The following GRB10 variants were observed in gnomAD, a reference collection of about 807,000 sequenced individuals.
The protein encoded by GRB10 is growth factor receptor-bound protein 10.
Under a neutral mutation model 80.9 loss-of-function variants are expected in GRB10, and 20 were observed. The observed-to-expected ratio is 0.25, with a 90% CI of 0.17 to 0.36. GRB10 has a LOEUF of 0.36. GRB10 is among the 10% of genes least tolerant of loss of function. The pLI is 1.00. For synonymous variants in GRB10, 291 were observed against 291.5 expected, an observed-to-expected ratio of 1.00 and a Z score of 0.02; for missense variants, 548 against 747.7, an observed-to-expected ratio of 0.73 and a Z score of 3.12.
intron 7 of GRB10, 151 bp downstream of exon 7, chr7:50,669,571 C>T: frequency 1.3e-6 from 1 of 776,488 alleles, no homozygotes; most frequent in Non-Finnish European, 2.2e-6. Flanking sequence ...CCTCATAGGA[C>T]AACAAGTACT....
chr7:50,671,785 G>A (rs1315659532), intron 6 of GRB10, among the ~76,000 whole-genome samples: 1 of 152,218 alleles, frequency 6.6e-6, no homozygotes, highest in Admixed American at 6.5e-5. Flanking sequence ...CTATTTATTG[G>A]GTTGTTTTGA....
At chr7:50,759,601 T>C (rs1032423835) in intron 2 of GRB10, among the ~76,000 whole-genome samples, 4 of 152,212 alleles carry the variant, frequency 2.6e-5, no homozygotes, top group Non-Finnish European at 5.9e-5. Flanking sequence ...TTTGAATTAT[T>C]TTATTGTTTT....
chr7:50,615,003 T>C (rs187284057), intron 11 of GRB10, 123 bp from the exon 12 acceptor site: 59 of 714,900 alleles, frequency 8.3e-5, no homozygotes, highest in Non-Finnish European at 1.4e-4. Context: ...ACTATACATA[T>C]TACATATGAT....
chr7:50,693,448 G>A (rs901752477), intron 5 of GRB10, among the ~76,000 whole-genome samples: 1 of 152,066 alleles, frequency 6.6e-6, no homozygotes, highest in Non-Finnish European at 1.5e-5. Flanking sequence ...AGTATTTCTG[G>A]CTTAAAGAAA....
rs142905810 is a variant in GRB10, at chr7:50,604,223, G to C, written c.1456+88C>G. On this transcript the variant is annotated intron_variant, in intron 16 of 18. Coordinates refer to ENST00000401949, the MANE Select transcript of GRB10 (RefSeq NM_001350814.2). Reference sequence around the variant, plus strand: ...CTTGTGTGGTGCACTCTGGCCACAGGCAAATTCGTAAGGCTGAGGGGGAGT... The same window carrying C: ...CTTGTGTGGTGCACTCTGGCCACAGCCAAATTCGTAAGGCTGAGGGGGAGT... The C allele has an allele frequency of 5.1e-5, 68 of 1,334,516 alleles. No individual in the cohort carries two copies. The African/African-American group carries it at 8.8e-4, about 17-fold the overall frequency. The allele number at this position is 1,334,516 out of a possible 1,614,324, so 82.7% of individuals were successfully genotyped here.
chr7:50,709,146 C>T (rs1311799314), intron 4 of GRB10, among the ~76,000 whole-genome samples: 1 of 152,234 alleles, frequency 6.6e-6, no homozygotes, highest in Non-Finnish European at 1.5e-5. Flanking sequence ...AAAGTCAGAA[C>T]AAGCCCATCC....
intron 4 of GRB10, among the ~76,000 whole-genome samples, chr7:50,718,101 C>G (rs1339936177): frequency 2.0e-5 from 3 of 152,156 alleles, no homozygotes; most frequent in Non-Finnish European, 4.4e-5. Flanking sequence ...AAAGAGGGGA[C>G]AGGGGATTCC....
At position 50,701,280 on chromosome 7, in the gene GRB10, G is replaced by A. The variant is rs148384183; in HGVS notation, c.139+2541C>T. Among the ~76,000 whole-genome samples the A allele has an allele frequency of 1.6e-4, 24 of 152,054 alleles. No homozygotes were observed. In the East Asian group the frequency reaches 3.7e-3, roughly 23 times the overall value. ...CCTGTTTCCCTAGTATCCACATTCC[G>A]TCTTCCTCAAGAAGTACTTTTCATC... is the stretch of plus-strand genomic sequence containing the variant. On this transcript the variant is annotated intron_variant, in intron 5 of 18. Transcript: ENST00000401949.
At chr7:50,709,346 G>C (rs965411862) in intron 4 of GRB10, among the ~76,000 whole-genome samples, 1 of 152,196 alleles carries the variant, frequency 6.6e-6, no homozygotes, top group African/African-American at 2.4e-5. Flanking sequence ...GAGCTGCATC[G>C]ACCAACAGCT....
chr7:50,693,421 G>A (rs1036728156), intron 5 of GRB10, among the ~76,000 whole-genome samples: 2 of 152,088 alleles, frequency 1.3e-5, no homozygotes, highest in Non-Finnish European at 2.9e-5. Flanking sequence ...ACAAATTAAA[G>A]CTGCATGCCT....
intron 2 of GRB10, among the ~76,000 whole-genome samples, chr7:50,759,897 C>T (rs1317047541): frequency 6.6e-6 from 1 of 152,094 alleles, no homozygotes; most frequent in Non-Finnish European, 1.5e-5. Context: ...GCGGACACCC[C>T]GGGAGCAGCT....
chr7:50,721,025 T>C (rs879249367), intron 4 of GRB10, among the ~76,000 whole-genome samples: 2 of 152,160 alleles, frequency 1.3e-5, no homozygotes, highest in Non-Finnish European at 1.5e-5. Flanking sequence ...CCCTGCTTCA[T>C]TGAAAAGTTT....
intron 7 of GRB10, among the ~76,000 whole-genome samples, chr7:50,629,952 A>G (rs190716359): frequency 6.6e-6 from 1 of 152,362 alleles, no homozygotes; most frequent in East Asian, 1.9e-4. Context: ...TTCAGAGCGG[A>G]GATTGTTACC....
intron 5 of GRB10, among the ~76,000 whole-genome samples, chr7:50,692,550 A>T (rs2062951480): frequency 6.6e-6 from 1 of 152,126 alleles, no homozygotes; most frequent in Non-Finnish European, 1.5e-5. Flanking sequence ...GCCTAGAGTA[A>T]CCAGGACTTC....
intron 5 of GRB10, among the ~76,000 whole-genome samples, chr7:50,676,177 G>A (rs1430105497): frequency 6.6e-6 from 1 of 152,098 alleles, no homozygotes; most frequent in Non-Finnish European, 1.5e-5. Flanking sequence ...TCCTACCAAA[G>A]GCTACATTGG....
chr7:50,598,210 G>C (rs994553013), intron 17 of GRB10, among the ~76,000 whole-genome samples: 4 of 152,184 alleles, frequency 2.6e-5, no homozygotes, highest in Non-Finnish European at 5.9e-5. Context: ...CATGGCTGAT[G>C]TATATACAGC....
chr7:50,738,786 A>G lies in GRB10; in HGVS notation c.-46-6418T>C, dbSNP rs1055290783. Among the ~76,000 whole-genome samples, 8 of 152,326 alleles carry G rather than the reference A, an allele frequency of 5.3e-5. No individual in the cohort carries two copies. The South Asian group carries it at 1.5e-3, about 28-fold the overall frequency. ...TAGCAGCTTTCTGTCTATAATAACT[A>G]AAGACTTTCTCATTAACCGTTGTCA... On this transcript the variant is annotated intron_variant, in intron 3 of 18. Coordinates refer to ENST00000401949, the MANE Select transcript of GRB10 (RefSeq NM_001350814.2).
At chr7:50,628,873 T>G (rs1484541046) in intron 7 of GRB10, among the ~76,000 whole-genome samples, 1 of 152,138 alleles carries the variant, frequency 6.6e-6, no homozygotes, top group African/African-American at 2.4e-5. Flanking sequence ...AGCAAAATAT[T>G]CAAATACAGC....
intron 3 of GRB10, among the ~76,000 whole-genome samples, chr7:50,738,952 C>T (rs1206676290): frequency 6.6e-6 from 1 of 151,970 alleles, no homozygotes; most frequent in Non-Finnish European, 1.5e-5. Flanking sequence ...GCAAGATTAT[C>T]ATTATAAATA....
Sources: gnomAD v4.1 joint callset for allele counts (sites outside exome capture counted in the v4.1 genomes callset) on GRCh38, gnomAD v4.1.1 for gene constraint, MANE v1.5 for transcripts, NCBI Gene and HGNC (gene_info 2026-07-23, HGNC 2026-07-21) for gene names.